Variants in MAPK1IP1L observed in about 807,000 individuals in gnomAD.
MAPK1IP1L encodes MAPK-interacting and spindle-stabilizing protein-like.
MAPK1IP1L carries 10 observed loss-of-function variants against 18.1 expected under a neutral mutation model. That is an observed-to-expected ratio of 0.55 (90% CI 0.34 to 0.94). The LOEUF is 0.94. MAPK1IP1L is among the 40% of genes least tolerant of loss of function. The pLI is 0.02. For synonymous variants in MAPK1IP1L, 115 were observed against 117.3 expected (o/e 0.98, Z 0.13); for missense variants, 260 against 318.2 (o/e 0.82, Z 1.39).
intron 1 of MAPK1IP1L, among the ~76,000 whole-genome samples, chr14:55,052,908 A>T (rs996509024): frequency 5.3e-5 from 8 of 152,212 alleles, no homozygotes; most frequent in African/African-American, 1.7e-4. Flanking sequence ...TGTGTTTTGA[A>T]TTCAAAAATA....
chr14:55,054,114 A>G (rs989181712), intron 1 of MAPK1IP1L, among the ~76,000 whole-genome samples: 1 of 152,056 alleles, frequency 6.6e-6, no homozygotes, highest in Non-Finnish European at 1.5e-5. Flanking sequence ...AAAATGGAAC[A>G]TAAGCAGATA....
chr14:55,062,569 G>C (rs755837335), intron 2 of MAPK1IP1L, 49 bp from the exon 3 acceptor site: 3 of 1,452,912 alleles, frequency 2.1e-6, no homozygotes, highest in South Asian at 1.3e-5. Context: ...AATGGTGTTC[G>C]ATGTAACTTT....
intron 1 of MAPK1IP1L, among the ~76,000 whole-genome samples, chr14:55,061,410 TAAAAC>T (rs896021880): frequency 2.0e-5 from 3 of 152,178 alleles, no homozygotes; most frequent in African/African-American, 7.2e-5. Flanking sequence ...GTATCATACT[TAAAAC>T]AACTTATACT....
At chr14:55,061,829 T>G in intron 2 of MAPK1IP1L, 128 bp downstream of exon 2, 1 of 683,040 alleles carries the variant, frequency 1.5e-6, no homozygotes, top group Non-Finnish European at 2.3e-6. Context: ...TGTGCACCTG[T>G]AGTCCTAGCT....
chr14:55,066,289 C>T lies in MAPK1IP1L; in HGVS notation c.*1662C>T, dbSNP rs1051366536. The T allele has an allele frequency of 5.3e-5, 8 of 152,192 alleles. No individual in the cohort carries two copies. The highest frequency in any genetic ancestry group is 1.3e-4 in the Admixed American group (2 of 15,270). 9.4% of individuals were successfully genotyped at this position (152,192 alleles called of 1,614,324 possible). A position where few individuals can be genotyped will look rare whatever the true frequency, so the allele number is the denominator to read the frequency against. On this transcript the variant is annotated 3_prime_UTR_variant, in exon 4 of 4. Coordinates refer to ENST00000395468, the MANE Select transcript of MAPK1IP1L (RefSeq NM_144578.4). ...AATGGTTACCTTTGAGAGGAACATT[C>T]AGTGTTTAATCATCCCTTATGTTAA...
At position 55,065,038 on chromosome 14, in the gene MAPK1IP1L, T is replaced by G. The variant is rs1379061175; in HGVS notation, c.*411T>G. The G allele has an allele frequency of 1.9e-5, 3 of 158,248 alleles. No homozygotes were observed. Among genetic ancestry groups the G allele is most frequent in the Admixed American group, 6.5e-5 (1 of 15,498 alleles). The allele number at this position is 158,248 out of a possible 1,614,324, so 9.8% of individuals were successfully genotyped here. On this transcript the variant is annotated 3_prime_UTR_variant, in exon 4 of 4. Transcript: ENST00000395468. ...ACTTTCCCCTTCTAAATAAATAAACTTCGAGAATAACCCATCATAATCCAA... is the reference window on the plus strand; with the variant it reads ...ACTTTCCCCTTCTAAATAAATAAACGTCGAGAATAACCCATCATAATCCAA...
At chr14:55,051,944 G>C (rs1470867460) in intron 1 of MAPK1IP1L, 141 bp downstream of exon 1, 1 of 370,116 alleles carries the variant, frequency 2.7e-6, no homozygotes, top group Non-Finnish European at 5.3e-6. Context: ...GGCCGTGGTC[G>C]CCTGCCTGGC....
chr14:55,056,805 G>A (rs757219048), intron 1 of MAPK1IP1L, among the ~76,000 whole-genome samples: 7 of 152,030 alleles, frequency 4.6e-5, no homozygotes, highest in South Asian at 2.1e-4. Context: ...CACCGCGCCC[G>A]GCCATGTTTT....
At chr14:55,059,005 A>G (rs1484881084) in intron 1 of MAPK1IP1L, among the ~76,000 whole-genome samples, 1 of 151,938 alleles carries the variant, frequency 6.6e-6, no homozygotes, top group Non-Finnish European at 1.5e-5. Context: ...CAGGTACTTG[A>G]GCATCCTGGG....
intron 3 of MAPK1IP1L, chr14:55,063,705 T>G: frequency 1.2e-5 from 2 of 165,852 alleles, no homozygotes; most frequent in Admixed American, 6.0e-5. Flanking sequence ...AAGCAGTCTC[T>G]ACCTGTCTAG....
chr14:55,062,596 A>G, intron 2 of MAPK1IP1L, 22 bp from the exon 3 acceptor site: 1 of 1,581,662 alleles, frequency 6.3e-7, no homozygotes, highest in Non-Finnish European at 8.6e-7. Flanking sequence ...GATAGGAAAG[A>G]CGTATCTGTT....
chr14:55,064,000 A>ACT (rs2042840933), intron 3 of MAPK1IP1L: 1 of 120,912 alleles, frequency 8.3e-6, no homozygotes, highest in African/African-American at 3.3e-5. Flanking sequence ...AAATCTGTTA[A>ACT]CTCTTTTTTT....
In MAPK1IP1L at chr14:55,051,699, C is replaced by CGCT. The variant is rs1386932751; in HGVS notation, c.-105_-103dup. 1 of 516,256 alleles carries CGCT rather than the reference C, an allele frequency of 1.9e-6. No homozygotes were observed. The highest frequency in any genetic ancestry group is 3.9e-6 in the Non-Finnish European group (1 of 259,518). The allele number at this position is 516,256 out of a possible 1,614,324, so 32.0% of individuals were successfully genotyped here. On this transcript the variant is annotated 5_prime_UTR_variant, in exon 1 of 4. Coordinates refer to ENST00000395468, the MANE Select transcript of MAPK1IP1L (RefSeq NM_144578.4). ...CGCGCGCTGCTGGTGCTGTTGCCGC[C>CGCT]GCTGCTCTAGCTGCCGTCAGTCAGG...
At chr14:55,054,669 A>G (rs2042757332) in intron 1 of MAPK1IP1L, among the ~76,000 whole-genome samples, 1 of 152,250 alleles carries the variant, frequency 6.6e-6, no homozygotes, top group South Asian at 2.1e-4. Context: ...AACCGTCAAA[A>G]GGATTCATGT....
intron 1 of MAPK1IP1L, among the ~76,000 whole-genome samples, chr14:55,057,646 C>T (rs754479626): frequency 1.3e-5 from 2 of 151,986 alleles, no homozygotes; most frequent in African/African-American, 4.8e-5. Flanking sequence ...GTCCCAGCTA[C>T]TCAGGAGACT....
At chr14:55,053,349 T>C (rs1053519509) in intron 1 of MAPK1IP1L, among the ~76,000 whole-genome samples, 2 of 152,224 alleles carry the variant, frequency 1.3e-5, no homozygotes, top group Non-Finnish European at 2.9e-5. Flanking sequence ...AATCATACTT[T>C]AACGTTTACT....
In MAPK1IP1L at chr14:55,066,370, A is replaced by G. The variant is rs898438907; in HGVS notation, c.*1743A>G. ...AGAAAGTAGAAACTAATTTGTTAAGATATTTTCAGACTGCGGAATGTTGTT... is the reference window on the plus strand; with the variant it reads ...AGAAAGTAGAAACTAATTTGTTAAGGTATTTTCAGACTGCGGAATGTTGTT... On this transcript the variant is annotated 3_prime_UTR_variant, in exon 4 of 4. Transcript: ENST00000395468. 1 of 152,208 alleles carries G rather than the reference A, an allele frequency of 6.6e-6. No individual in the cohort carries two copies. The highest frequency in any genetic ancestry group is 1.5e-5 in the Non-Finnish European group (1 of 68,044). The allele number at this position is 152,208 out of a possible 1,614,324, so 9.4% of individuals were successfully genotyped here.
chr14:55,062,716 T>C lies in MAPK1IP1L; in HGVS notation c.117T>C (p.Pro39=). Residue 39 remains proline (P), a synonymous_variant, in exon 3 of 4, where the codon CCT becomes CCC. Coordinates refer to ENST00000395468, the MANE Select transcript of MAPK1IP1L (RefSeq NM_144578.4). ...QPPQGWPGSN[P]WNNPSAPSSV... ...CTCAAGGCTGGCCAGGCTCCAACCC[T>C]TGGAATAATCCGAGTGCTCCATCTT... is the stretch of plus-strand genomic sequence containing the variant. 1.2e-6 allele frequency: 2 copies of C among 1,614,136 alleles called. No homozygotes were observed. Among genetic ancestry groups the C allele is most frequent in the Admixed American group, 3.3e-5 (2 of 60,020 alleles).
At chr14:55,059,978 A>G (rs1052092082) in intron 1 of MAPK1IP1L, among the ~76,000 whole-genome samples, 2 of 152,194 alleles carry the variant, frequency 1.3e-5, no homozygotes, top group African/African-American at 4.8e-5. Context: ...AAGTTAAACC[A>G]TAAAAATACT....
Sources: allele counts gnomAD v4.1 joint callset (sites outside exome capture counted in the v4.1 genomes callset), GRCh38; gene constraint gnomAD v4.1.1; transcripts MANE v1.5; gene names NCBI Gene and HGNC (gene_info 2026-07-23, HGNC 2026-07-21).